The following PDZD2 variants were observed in gnomAD, a reference collection of about 807,000 sequenced individuals.
PDZD2 encodes the protein PDZ domain containing 2.
PDZD2 carries 90 observed loss-of-function variants against 220.7 expected under a neutral mutation model. The observed-to-expected ratio is 0.41, with a 90% CI of 0.34 to 0.49. The LOEUF is 0.49. Among genes scored for constraint, PDZD2 ranks in the 20% least tolerant of loss-of-function variants. The pLI, the probability that PDZD2 is intolerant of heterozygous loss-of-function variation, is 0.28. For synonymous variants in PDZD2, 1,375 were observed against 1,450.5 expected, an observed-to-expected ratio of 0.95 and a Z score of 1.18; for missense variants, 3,174 against 3,608.5, an observed-to-expected ratio of 0.88 and a Z score of 3.08.
chr5:31,920,297 AATAAAT>A (rs1425353402), intron 2 of PDZD2, among the ~76,000 whole-genome samples: 17 of 137,032 alleles, frequency 1.2e-4, no homozygotes, highest in Non-Finnish European at 2.0e-4. Context: ...AATAAATAAA[AATAAAT>A]AAATAAATAA....
At chr5:31,825,601 C>T (rs1756160431) in intron 2 of PDZD2, among the ~76,000 whole-genome samples, 1 of 152,180 alleles carries the variant, frequency 6.6e-6, no homozygotes, top group African/African-American at 2.4e-5. Context: ...CATCAATGTA[C>T]AAGACAATTA....
rs531563557 is a variant in PDZD2 at position 31,743,614 on chromosome 5, G to C, written c.-360-55275G>C. Among the ~76,000 whole-genome samples the C allele has an allele frequency of 3.3e-5, 5 of 152,190 alleles. 1 individual carries two copies. The highest frequency in any genetic ancestry group is 1.2e-4 in the African/African-American group (5 of 41,512). Reference sequence around the variant, plus strand: ...ATAGTTTAAATCATCGCTAGAAATAGGGGAATGGCTCTTTTGAAGGCAGGC... The same window carrying C: ...ATAGTTTAAATCATCGCTAGAAATACGGGAATGGCTCTTTTGAAGGCAGGC... On this transcript the variant is annotated intron_variant, in intron 1 of 24. Transcript: ENST00000438447.
chr5:31,916,620 A>AT (rs779616770), intron 2 of PDZD2, among the ~76,000 whole-genome samples: 1 of 152,166 alleles, frequency 6.6e-6, no homozygotes, highest in African/African-American at 2.4e-5. Flanking sequence ...CTCGAGTGTC[A>AT]CTTTTGCAAG....
chr5:31,719,848 C>T (rs1459450578), intron 1 of PDZD2, among the ~76,000 whole-genome samples: 2 of 152,200 alleles, frequency 1.3e-5, no homozygotes, highest in Non-Finnish European at 1.5e-5. Flanking sequence ...GAAACTCGAT[C>T]TCTGCCTTGA....
chr5:32,011,928 C>T (rs1267449781), intron 6 of PDZD2, among the ~76,000 whole-genome samples: 2 of 152,140 alleles, frequency 1.3e-5, no homozygotes, highest in Non-Finnish European at 1.5e-5. Context: ...TTTATTATAA[C>T]CGTTTTCTGA....
intron 1 of PDZD2, among the ~76,000 whole-genome samples, chr5:31,749,412 G>T (rs1013882484): frequency 6.9e-6 from 1 of 144,400 alleles, no homozygotes; most frequent in African/African-American, 2.6e-5. Context: ...AGTGCAGAAG[G>T]TCACTGTGTG....
Position 32,089,691 on chromosome 5 carries a change from C to T in PDZD2, c.6243C>T (p.Ser2081=), listed in dbSNP as rs1353542220. The T allele has an allele frequency of 4.3e-6, 7 of 1,614,076 alleles. No individual in the cohort carries two copies. The highest frequency in any genetic ancestry group is 5.1e-6 in the Non-Finnish European group (6 of 1,180,044). Residue 2081 remains serine (S), a synonymous_variant, in exon 20 of 25, where the codon AGC becomes AGT. Transcript: ENST00000438447. ...TGEKGGNIMA[S]DRLERTNQLK... ...AAAAAGGAGGCAACATAATGGCCAGCGATCGCCTCGAAAGAACAAACCAGC... is the reference window on the plus strand; with the variant it reads ...AAAAAGGAGGCAACATAATGGCCAGTGATCGCCTCGAAAGAACAAACCAGC...
chr5:31,882,569 G>A (rs989741261), intron 2 of PDZD2, among the ~76,000 whole-genome samples: 2 of 152,242 alleles, frequency 1.3e-5, no homozygotes, highest in Admixed American at 6.5e-5. Flanking sequence ...GACCATTCAC[G>A]AATGGACCAG....
chr5:31,740,457 G>A (rs1202133865), intron 1 of PDZD2, among the ~76,000 whole-genome samples: 1 of 147,002 alleles, frequency 6.8e-6, no homozygotes, highest in Non-Finnish European at 1.5e-5. Context: ...CCCGGGAGGC[G>A]GAGCTTGCAG....
intron 2 of PDZD2, among the ~76,000 whole-genome samples, chr5:31,866,355 G>A (rs1738232622): frequency 6.6e-6 from 1 of 152,150 alleles, no homozygotes; most frequent in South Asian, 2.1e-4. Context: ...CCCTGTGTGT[G>A]TTTCCTGTTA....
chr5:31,723,523 C>T (rs1190952476), intron 1 of PDZD2, among the ~76,000 whole-genome samples: 1 of 152,096 alleles, frequency 6.6e-6, no homozygotes, highest in Non-Finnish European at 1.5e-5. Context: ...CTGACTGATC[C>T]TTTTTCCAAA....
At chr5:31,848,462 C>T (rs1182202172) in intron 2 of PDZD2, among the ~76,000 whole-genome samples, 1 of 152,172 alleles carries the variant, frequency 6.6e-6, no homozygotes, top group African/African-American at 2.4e-5. Flanking sequence ...AGAAAGTGAA[C>T]TTGGGGCCTG....
chr5:31,875,577 C>A (rs545058307), intron 2 of PDZD2, among the ~76,000 whole-genome samples: 127 of 140,898 alleles, frequency 9.0e-4, no homozygotes, highest in Middle Eastern at 3.8e-3. Flanking sequence ...CAGAGTGAGA[C>A]CCTGTTCAAA....
At chr5:32,063,154 C>T (rs964735915) in intron 14 of PDZD2, among the ~76,000 whole-genome samples, 1 of 151,816 alleles carries the variant, frequency 6.6e-6, no homozygotes, top group African/African-American at 2.4e-5. Flanking sequence ...AAGTGATTCT[C>T]CCGCCTCAGC....
chr5:31,699,423 A>G (rs77086784), intron 1 of PDZD2, among the ~76,000 whole-genome samples: 11,536 of 152,042 alleles, frequency 0.076, 471 homozygotes, highest in Middle Eastern at 0.12. Flanking sequence ...AGGCAAAGAC[A>G]TGGTCTGGGG....
At chr5:31,647,853 C>T (rs1018883263) in intron 1 of PDZD2, among the ~76,000 whole-genome samples, 2 of 152,136 alleles carry the variant, frequency 1.3e-5, no homozygotes, top group Admixed American at 1.3e-4. Context: ...ATTGTGGTTA[C>T]GGAATTCTCT....
chr5:31,873,236 C>G (rs1250489905), intron 2 of PDZD2, among the ~76,000 whole-genome samples: 1 of 151,954 alleles, frequency 6.6e-6, no homozygotes, highest in African/African-American at 2.4e-5. Flanking sequence ...AGTTTGAGAA[C>G]CAGCCTGGGC....
intron 2 of PDZD2, among the ~76,000 whole-genome samples, chr5:31,854,562 A>C (rs960810013): frequency 2.6e-5 from 4 of 152,068 alleles, no homozygotes; most frequent in Non-Finnish European, 5.9e-5. Context: ...TATGAAACGG[A>C]GTGGTCATGA....
chr5:31,897,472 C>T (rs1046187310), intron 2 of PDZD2, among the ~76,000 whole-genome samples: 1 of 152,126 alleles, frequency 6.6e-6, no homozygotes, highest in Non-Finnish European at 1.5e-5. Context: ...AAATATAAGT[C>T]GCAAGTGATG....
Sources: allele counts gnomAD v4.1 joint callset (sites outside exome capture counted in the v4.1 genomes callset), GRCh38; gene constraint gnomAD v4.1.1; transcripts MANE v1.5; gene names NCBI Gene and HGNC (gene_info 2026-07-23, HGNC 2026-07-21).